KIAA1671: variants seen among roughly 807,000 people sequenced by gnomAD.
The protein encoded by KIAA1671 is uncharacterized protein KIAA1671.
KIAA1671 carries 52 observed loss-of-function variants against 131.2 expected under a neutral mutation model. The observed-to-expected ratio is 0.40, with a 90% CI of 0.32 to 0.50. The LOEUF is 0.50. KIAA1671 is among the 20% of genes least tolerant of loss of function. The pLI, the probability that KIAA1671 is intolerant of heterozygous loss-of-function variation, is 0.73. For missense variants in KIAA1671, 2,360 were observed against 2,364.2 expected (o/e 1.00, Z 0.04); for synonymous variants, 1,003 against 961.6 (o/e 1.04, Z -0.80).
chr22:25,026,889 G>A (rs112409611), intron 2 of KIAA1671, among the ~76,000 whole-genome samples: 65 of 152,306 alleles, frequency 4.3e-4, no homozygotes, highest in African/African-American at 1.5e-3. Flanking sequence ...GGAGTTGCTG[G>A]AGGGTTAATG....
chr22:25,173,195 G>A (rs1369536550), intron 7 of KIAA1671, among the ~76,000 whole-genome samples: 1 of 152,100 alleles, frequency 6.6e-6, no homozygotes, highest in African/African-American at 2.4e-5. Context: ...AGAACAGCAA[G>A]GAGGACATCT....
intron 6 of KIAA1671, chr22:25,056,685 A>G (rs9612843): frequency 0.25 from 33,495 of 134,084 alleles, 5,493 homozygotes; most frequent in South Asian, 0.35. Flanking sequence ...ATGGTGGCAG[A>G]TGCCTGTAAT....
chr22:25,165,206 T>C (rs1464665611), intron 6 of KIAA1671, among the ~76,000 whole-genome samples: 2 of 152,150 alleles, frequency 1.3e-5, no homozygotes, highest in Non-Finnish European at 2.9e-5. Context: ...CAAGATGAAT[T>C]CCCTTAGGTA....
intron 6 of KIAA1671, among the ~76,000 whole-genome samples, chr22:25,115,950 AT>A (rs1931633186): frequency 6.6e-6 from 1 of 151,980 alleles, no homozygotes; most frequent in African/African-American, 2.4e-5. Context: ...TAATTTTTGT[AT>A]TTTTAGTAGA....
In KIAA1671 at chr22:25,114,813, T is replaced by C. The variant is rs182119483; in HGVS notation, c.4531-56007T>C. On this transcript the variant is annotated intron_variant, in intron 6 of 12. Transcript: ENST00000358431. ...ATATTCGTTTTATGGGAAGAAACTT[T>C]TTAAAGCCACAGACAATTACTTAAG... 8.5e-5 allele frequency among the ~76,000 whole-genome samples: 13 copies of C among 152,342 alleles called. No individual in the cohort carries two copies. The East Asian group carries it at 2.1e-3, about 25-fold the overall frequency.
intron 6 of KIAA1671, among the ~76,000 whole-genome samples, chr22:25,160,948 G>GGA (rs1933423782): frequency 6.6e-6 from 1 of 152,188 alleles, no homozygotes; most frequent in South Asian, 2.1e-4. Context: ...CAAGTCCATG[G>GGA]GAGGGGATGT....
intron 6 of KIAA1671, among the ~76,000 whole-genome samples, chr22:25,080,537 CTT>C (rs559274311): frequency 1.1e-3 from 169 of 152,276 alleles, no homozygotes; most frequent in African/African-American, 3.8e-3. Context: ...ATTTCAGACT[CTT>C]TGTTTTTTAT....
At chr22:24,976,090 C>T (rs557482300) in intron 1 of KIAA1671, among the ~76,000 whole-genome samples, 6 of 152,344 alleles carry the variant, frequency 3.9e-5, no homozygotes, top group Non-Finnish European at 8.8e-5. Flanking sequence ...ACAGCCTGGT[C>T]TTCCCACTCC....
chr22:25,109,732 C>G (rs1368526664), intron 6 of KIAA1671, among the ~76,000 whole-genome samples: 6 of 152,206 alleles, frequency 3.9e-5, no homozygotes, highest in Admixed American at 3.9e-4. Flanking sequence ...ACTGTCATCC[C>G]CTGCTGGGCT....
chr22:25,185,251 C>A (rs1934436476), intron 11 of KIAA1671, 132 bp downstream of exon 11: 1 of 1,020,300 alleles, frequency 9.8e-7, no homozygotes, highest in East Asian at 2.8e-5. Flanking sequence ...GCAGCAGAAG[C>A]TTTGTTCATG....
At chr22:24,973,246 A>C (rs1602036170) in intron 1 of KIAA1671, among the ~76,000 whole-genome samples, 2 of 152,140 alleles carry the variant, frequency 1.3e-5, no homozygotes, top group South Asian at 2.1e-4. Flanking sequence ...CAGGGGCAGA[A>C]GTGGAGGCCC....
chr22:25,179,550 C>T (rs1042316176), intron 9 of KIAA1671: 120 of 1,583,114 alleles, frequency 7.6e-5, no homozygotes, highest in Middle Eastern at 5.1e-4. Flanking sequence ...ACCTGCGCCT[C>T]CTGCGTTGGG....
chr22:25,039,615 A>T lies in KIAA1671; in HGVS notation c.2485A>T (p.Ser829Cys), dbSNP rs2145805156. 2 of 1,550,510 alleles carry T rather than the reference A, an allele frequency of 1.3e-6. No individual in the cohort carries two copies. The highest frequency in any genetic ancestry group is 3.9e-5 in the Admixed American group (2 of 50,966). The change falls in exon 5 of 13, where the codon AGC becomes TGC. Residue 829 changes from serine (S) to cysteine (C), a missense_variant. By Grantham distance (112) the Ser-to-Cys change is moderately radical. Coordinates refer to ENST00000358431, the MANE Select transcript of KIAA1671 (RefSeq NM_001145206.2). Reference sequence around the variant, plus strand: ...CAAATGGACAGGCGGGGCAGTGGTGAGCTCGCACAAAGCCACCGTGGCAGT... The same window carrying T: ...CAAATGGACAGGCGGGGCAGTGGTGTGCTCGCACAAAGCCACCGTGGCAGT... ...FPKWTGGAVVSSHKATVAVSE... is the reference protein window; with the variant it reads ...FPKWTGGAVVCSHKATVAVSE...
chr22:25,055,527 G>C (rs994932756), intron 6 of KIAA1671: 1 of 149,802 alleles, frequency 6.7e-6, no homozygotes, highest in African/African-American at 2.4e-5. Context: ...TTCCAGACCA[G>C]CCTGGGCTGA....
intron 6 of KIAA1671, among the ~76,000 whole-genome samples, chr22:25,120,366 T>C (rs1931873931): frequency 6.6e-6 from 1 of 152,230 alleles, no homozygotes; most frequent in African/African-American, 2.4e-5. Flanking sequence ...CCTCACCCAA[T>C]TTCAGGTCTC....
chr22:25,004,836 C>G (rs1201152826), intron 1 of KIAA1671, among the ~76,000 whole-genome samples: 1 of 151,458 alleles, frequency 6.6e-6, no homozygotes, highest in East Asian at 2.0e-4. Context: ...GTCCCAGCTA[C>G]TCGGGAGGCT....
rs1228170183 is a variant in KIAA1671, at chr22:25,039,212, G to A, written c.2082G>A (p.Leu694=). 6 of 1,552,184 alleles carry A rather than the reference G, an allele frequency of 3.9e-6. No homozygotes were observed. Among genetic ancestry groups the A allele is most frequent in the Non-Finnish European group, 5.2e-6 (6 of 1,147,118 alleles). The change falls in exon 5 of 13, where the codon CTG becomes CTA. Residue 694 remains leucine (L), a synonymous_variant. Coordinates refer to ENST00000358431, the MANE Select transcript of KIAA1671 (RefSeq NM_001145206.2). ...CAACCACCCTTTTGAATGGTGAACT[G>A]AGACCGTATCACACGCCTCTCCGGG... The part of the protein sequence containing the change: ...LGPTTLLNGE[L]RPYHTPLRDK...
intron 4 of KIAA1671, among the ~76,000 whole-genome samples, chr22:25,035,036 C>CTTTTTTTTTTTTTTTTTT (rs143999685): frequency 8.5e-6 from 1 of 117,560 alleles, no homozygotes. Flanking sequence ...TGCGCCTGGC[C>CTTTTTTTTTTTTTTTTTT]TTTTTTTTTT....
rs74943686 is a variant in KIAA1671 at position 25,070,056 on chromosome 22, G to A, written c.4530+20692G>A. ...AAACCCTAAAACCCTCCGTGCCTAC[G>A]GCTCCCGGGAGGGTGAGGGTCCAGG... On this transcript the variant is annotated intron_variant, in intron 6 of 12. Transcript: ENST00000358431. 1,524 of 301,508 alleles carry A rather than the reference G, an allele frequency of 5.1e-3. 33 individuals are homozygous for A. Among genetic ancestry groups the A allele is most frequent in the African/African-American group, 0.031 (1,426 of 46,492 alleles). 18.7% of individuals were successfully genotyped at this position (301,508 alleles called of 1,614,324 possible).
Sources: allele counts gnomAD v4.1 joint callset (sites outside exome capture counted in the v4.1 genomes callset), GRCh38; gene constraint gnomAD v4.1.1; transcripts MANE v1.5; gene names NCBI Gene and HGNC (gene_info 2026-07-23, HGNC 2026-07-21).